PILRA: variants seen among roughly 807,000 people sequenced by gnomAD.
The protein encoded by PILRA is paired immunoglobulin-like type 2 receptor alpha.
In PILRA, 37 loss-of-function variants were observed where a neutral mutation model predicts 33.1. The observed-to-expected ratio is 1.12, with a 90% CI of 0.86 to 1.47. The LOEUF is 1.47. Ranked by LOEUF, PILRA falls within the 40% of genes most tolerant of loss-of-function variation. The pLI is 0.00. For synonymous variants in PILRA, 146 were observed against 149.9 expected (o/e 0.97, Z 0.19); for missense variants, 312 against 376.2 (o/e 0.83, Z 1.41).
intron 2 of PILRA, among the ~76,000 whole-genome samples, chr7:100,385,670 C>T (rs1023880326): frequency 2.9e-4 from 44 of 152,106 alleles, no homozygotes; most frequent in African/African-American, 8.9e-4. Context: ...GCTCTTGTTG[C>T]CCAGGCTGGA....
chr7:100,376,364 G>A (rs1374100973), intron 2 of PILRA: 1 of 150,878 alleles, frequency 6.6e-6, no homozygotes, highest in Non-Finnish European at 1.5e-5. Flanking sequence ...TCTCTGCATA[G>A]GTCAGATTTG....
chr7:100,383,433 C>T (rs1445527420), intron 2 of PILRA, among the ~76,000 whole-genome samples: 2 of 152,024 alleles, frequency 1.3e-5, no homozygotes, highest in African/African-American at 4.8e-5. Context: ...ATTGGTAGAA[C>T]GTAATGGGGA....
At chr7:100,398,021 A>G (rs1382567278) in intron 4 of PILRA, 109 bp downstream of exon 4, 2 of 1,109,372 alleles carry the variant, frequency 1.8e-6, no homozygotes, top group East Asian at 2.5e-5. Flanking sequence ...CCAGCCTGCC[A>G]CGGCCATTGT....
intron 3 of PILRA, among the ~76,000 whole-genome samples, chr7:100,393,961 C>A (rs1233580188): frequency 6.6e-6 from 1 of 152,180 alleles, no homozygotes; most frequent in East Asian, 1.9e-4. Flanking sequence ...CAGTTTATAT[C>A]TTATTGGCTA....
At chr7:100,399,419 G>T in intron 5 of PILRA, 79 bp downstream of exon 5, 1 of 1,403,430 alleles carries the variant, frequency 7.1e-7, no homozygotes, top group African/African-American at 1.4e-5. Context: ...ACCTGGGTCC[G>T]TGCCCCTGTC....
chr7:100,381,287 CAAAA>C (rs940744416), intron 2 of PILRA, among the ~76,000 whole-genome samples: 3 of 151,372 alleles, frequency 2.0e-5, no homozygotes, highest in Admixed American at 1.3e-4. Flanking sequence ...AACAAACAAA[CAAAA>C]AACAACTAGC....
chr7:100,381,214 C>A (rs1791084652), intron 2 of PILRA, among the ~76,000 whole-genome samples: 1 of 150,422 alleles, frequency 6.6e-6, no homozygotes, highest in South Asian at 2.1e-4. Flanking sequence ...TGCAGTGAGC[C>A]GAGATCGCGC....
intron 3 of PILRA, among the ~76,000 whole-genome samples, chr7:100,391,559 C>T (rs533023874): frequency 4.0e-5 from 6 of 151,836 alleles, no homozygotes; most frequent in East Asian, 1.9e-4. Flanking sequence ...TGGTGGCGTG[C>T]GCCTGTGGTC....
rs928437829 is a variant in PILRA, at chr7:100,390,225, G to A, written c.673+119G>A. 110 of 852,006 alleles carry A rather than the reference G, an allele frequency of 1.3e-4. 1 individual carries two copies. In the South Asian group the frequency reaches 1.5e-3, roughly 12 times the overall value. The allele number at this position is 852,006 out of a possible 1,614,324, so 52.8% of individuals were successfully genotyped here. A position where few individuals can be genotyped will look rare whatever the true frequency, so the allele number is the denominator to read the frequency against. On this transcript the variant is annotated intron_variant, in intron 3 of 6. Transcript: ENST00000198536. ...CCTGCTGGCTCCCCTCAAGCCCACC[G>A]AGGCCGACTTCGTGGCCTATGCTGA...
chr7:100,383,279 G>A (rs1046416188), intron 2 of PILRA, among the ~76,000 whole-genome samples: 1 of 152,150 alleles, frequency 6.6e-6, no homozygotes, highest in Non-Finnish European at 1.5e-5. Flanking sequence ...GAGAGGAACT[G>A]TGGCCTCTGG....
At chr7:100,385,703 C>T (rs1791237346) in intron 2 of PILRA, among the ~76,000 whole-genome samples, 1 of 152,124 alleles carries the variant, frequency 6.6e-6, no homozygotes, top group Non-Finnish European at 1.5e-5. Flanking sequence ...GATCTTGGCT[C>T]ACTGCAACCT....
intron 2 of PILRA, among the ~76,000 whole-genome samples, chr7:100,384,429 ATT>A (rs1157446711): frequency 1.5e-5 from 2 of 134,188 alleles, no homozygotes; most frequent in Non-Finnish European, 1.6e-5. Context: ...AAAAAAAAAA[ATT>A]TTTTTTTTTT....
intron 4 of PILRA, among the ~76,000 whole-genome samples, chr7:100,398,419 C>T (rs778514393): frequency 9.2e-5 from 14 of 152,198 alleles, no homozygotes; most frequent in Non-Finnish European, 1.8e-4. Flanking sequence ...TAGGGCCTCA[C>T]TTTTCCTTTT....
rs117209214 is a variant in PILRA at position 100,396,354 on chromosome 7, G to A, written c.674-1525G>A. Among the ~76,000 whole-genome samples the A allele has an allele frequency of 6.8e-3, 1,042 of 152,198 alleles. 4 individuals carry two copies. Among genetic ancestry groups the A allele is most frequent in the Non-Finnish European group, 9.0e-3 (610 of 67,988 alleles). On this transcript the variant is annotated intron_variant, in intron 3 of 6. Coordinates refer to ENST00000198536, the MANE Select transcript of PILRA (RefSeq NM_013439.3). ...TACATATAATGGAATATTATTCAGT[G>A]TTTAAAAGAAATTCTGGGCCAGGTG...
chr7:100,383,492 C>T (rs1026428336), intron 2 of PILRA, among the ~76,000 whole-genome samples: 4 of 152,136 alleles, frequency 2.6e-5, no homozygotes, highest in African/African-American at 9.7e-5. Context: ...TGGCTGAAGA[C>T]AGGGAAGAGG....
chr7:100,386,519 A>G (rs1427320920), intron 2 of PILRA, among the ~76,000 whole-genome samples: 3 of 151,812 alleles, frequency 2.0e-5, no homozygotes, highest in Non-Finnish European at 4.4e-5. Flanking sequence ...AAAACAAAAC[A>G]CAAAAATTTT....
intron 3 of PILRA, among the ~76,000 whole-genome samples, chr7:100,394,242 G>A (rs1343142041): frequency 6.6e-6 from 1 of 152,084 alleles, no homozygotes; most frequent in Non-Finnish European, 1.5e-5. Flanking sequence ...ATTATCACGG[G>A]ATAAGAGTTC....
At position 100,399,800 on chromosome 7, in the gene PILRA, T is replaced by C. The variant is rs775944262; in HGVS notation, c.805T>C (p.Tyr269His). The change falls in exon 7 of 7, where the codon TAT becomes CAT. Residue 269 changes from tyrosine to histidine, a missense_variant. Tyr to His is a moderately conservative substitution (Grantham distance 83). Coordinates refer to ENST00000198536, the MANE Select transcript of PILRA (RefSeq NM_013439.3). ...TCTCGCCCAGGATGACGGCATCGTC[T>C]ATGCTTCCCTTGCCCTCTCCAGCTC... is the stretch of plus-strand genomic sequence containing the variant. ...KLNPKDDGIV[Y>H]ASLALSSSTS... The C allele has an allele frequency of 8.1e-6, 13 of 1,611,548 alleles. No homozygotes were observed. The highest frequency in any genetic ancestry group is 1.3e-5 in the African/African-American group (1 of 74,860).
chr7:100,381,444 CAAAAA>C (rs60123996), intron 2 of PILRA, among the ~76,000 whole-genome samples: 3 of 82,074 alleles, frequency 3.7e-5, no homozygotes, highest in African/African-American at 9.5e-5. Context: ...GATCCTGACT[CAAAAA>C]AAAAAAAAAA....
Sources: gnomAD v4.1 joint callset for allele counts (sites outside exome capture counted in the v4.1 genomes callset) on GRCh38, gnomAD v4.1.1 for gene constraint, MANE v1.5 for transcripts, NCBI Gene and HGNC (gene_info 2026-07-23, HGNC 2026-07-21) for gene names.